Variants in PSD3 observed in about 807,000 individuals in gnomAD.
PSD3 encodes pleckstrin and Sec7 domain containing 3.
PSD3 carries 49 observed loss-of-function variants against 105.5 expected under a neutral mutation model. The observed-to-expected ratio is 0.46, with a 90% CI of 0.37 to 0.59. The LOEUF is 0.59. PSD3 is among the 20% of genes least tolerant of loss of function. PSD3 has a pLI of 0.00. For missense variants in PSD3, 1,561 were observed against 1,263.8 expected, an observed-to-expected ratio of 1.24 and a Z score of -3.57; for synonymous variants, 557 against 457.8, an observed-to-expected ratio of 1.22 and a Z score of -2.77.
chr8:19,079,278 G>A (rs536072113), intron 1 of PSD3, among the ~76,000 whole-genome samples: 37 of 152,250 alleles, frequency 2.4e-4, no homozygotes, highest in Admixed American at 8.5e-4. Flanking sequence ...CCAACGTAGC[G>A]TAAAATGAAC....
At chr8:18,823,299 C>T (rs1249926834) in intron 4 of PSD3, among the ~76,000 whole-genome samples, 8 of 152,084 alleles carry the variant, frequency 5.3e-5, no homozygotes, top group Admixed American at 1.3e-4. Context: ...TCTAGACAGT[C>T]TAAGTTTTAC....
chr8:18,763,360 G>T (rs575873442), intron 9 of PSD3, among the ~76,000 whole-genome samples: 1 of 152,246 alleles, frequency 6.6e-6, no homozygotes, highest in South Asian at 2.1e-4. Flanking sequence ...GATTGGAAAG[G>T]TGGCAAAGAA....
chr8:18,586,351 G>A (rs897640764), intron 12 of PSD3, among the ~76,000 whole-genome samples: 2 of 152,144 alleles, frequency 1.3e-5, no homozygotes, highest in Non-Finnish European at 2.9e-5. Context: ...TTGTTTTTCG[G>A]AGGGGGAAAG....
chr8:18,949,244 A>AAAAAAAAATATAT (rs1345423514), intron 1 of PSD3, among the ~76,000 whole-genome samples: 5 of 14,408 alleles, frequency 3.5e-4, no homozygotes, highest in South Asian at 4.7e-3. Context: ...AAAAAAAAAA[A>AAAAAAAAATATAT]ATATATATAT....
chr8:19,030,947 A>G (rs1827745134), intron 1 of PSD3, among the ~76,000 whole-genome samples: 1 of 152,224 alleles, frequency 6.6e-6, no homozygotes, highest in Non-Finnish European at 1.5e-5. Flanking sequence ...AGATCATAGC[A>G]GAAACAGTCC....
intron 9 of PSD3, among the ~76,000 whole-genome samples, chr8:18,720,744 C>G (rs1297310891): frequency 6.6e-6 from 1 of 152,036 alleles, no homozygotes; most frequent in Non-Finnish European, 1.5e-5. Flanking sequence ...ACAGGAGCGC[C>G]GATGCATTTG....
intron 1 of PSD3, among the ~76,000 whole-genome samples, chr8:19,050,513 A>T (rs1207816141): frequency 6.6e-6 from 1 of 152,248 alleles, no homozygotes; most frequent in Admixed American, 6.5e-5. Flanking sequence ...GCCATAAAAA[A>T]TGATGAGTTC....
chr8:18,626,232 T>G (rs771659483), intron 11 of PSD3, among the ~76,000 whole-genome samples: 56 of 151,666 alleles, frequency 3.7e-4, no homozygotes, highest in Non-Finnish European at 6.5e-4. Context: ...TCTGACAAAC[T>G]GAATGTTTAA....
intron 2 of PSD3, among the ~76,000 whole-genome samples, chr8:18,909,626 G>C (rs1281778039): frequency 6.6e-6 from 1 of 152,064 alleles, no homozygotes; most frequent in Non-Finnish European, 1.5e-5. Context: ...TCGGACTACA[G>C]GCTCACGTTA....
intron 1 of PSD3, among the ~76,000 whole-genome samples, chr8:19,060,510 T>C (rs1374650146): frequency 6.6e-6 from 1 of 152,140 alleles, no homozygotes; most frequent in East Asian, 1.9e-4. Context: ...GGCACACACC[T>C]GTAGTCCCAG....
intron 1 of PSD3, among the ~76,000 whole-genome samples, chr8:18,990,455 G>A (rs904407674): frequency 4.6e-5 from 7 of 152,126 alleles, no homozygotes; most frequent in East Asian, 1.9e-4. Flanking sequence ...TCCTCTGTAC[G>A]GCATATGCTT....
At position 18,611,495 on chromosome 8, in the gene PSD3, T is replaced by C. The variant is rs149355078; in HGVS notation, c.2411-11061A>G. On this transcript the variant is annotated intron_variant, in intron 11 of 15. Transcript: ENST00000327040. Reference sequence around the variant, plus strand: ...GATACTGGCTTCACCTGAGTGACCTTGGACAAGTCACTTAGCCAGTCCTAT... The same window carrying C: ...GATACTGGCTTCACCTGAGTGACCTCGGACAAGTCACTTAGCCAGTCCTAT... Among the ~76,000 whole-genome samples the C allele has an allele frequency of 2.8e-3, 431 of 152,306 alleles. 1 individual carries two copies. Among genetic ancestry groups the C allele is most frequent in the African/African-American group, 9.9e-3 (412 of 41,574 alleles).
At chr8:18,569,120 G>A (rs912439783) in intron 14 of PSD3, among the ~76,000 whole-genome samples, 2 of 129,044 alleles carry the variant, frequency 1.5e-5, no homozygotes, top group Non-Finnish European at 3.3e-5. Flanking sequence ...TGGACATTTG[G>A]GTTGGTTCCA....
chr8:18,720,870 A>C (rs1802923957), intron 9 of PSD3: 1 of 152,158 alleles, frequency 6.6e-6, no homozygotes, highest in South Asian at 2.1e-4. Context: ...TGATGCCTTA[A>C]AGGTTTTATT....
chr8:18,855,025 G>A (rs1343512815), intron 4 of PSD3, among the ~76,000 whole-genome samples: 2 of 152,186 alleles, frequency 1.3e-5, no homozygotes, highest in South Asian at 4.2e-4. Context: ...GGAAGCCGTG[G>A]CCGCCAGACC....
At chr8:18,784,531 C>T (rs1025871573) in intron 8 of PSD3, among the ~76,000 whole-genome samples, 5 of 152,114 alleles carry the variant, frequency 3.3e-5, no homozygotes, top group Non-Finnish European at 7.4e-5. Flanking sequence ...CCCCAAGTTT[C>T]GGGTGTCAAT....
At chr8:18,726,460 C>G (rs1803340622) in intron 9 of PSD3, among the ~76,000 whole-genome samples, 2 of 152,186 alleles carry the variant, frequency 1.3e-5, no homozygotes, top group South Asian at 4.1e-4. Context: ...TGCTGTATAG[C>G]TGATTATAAT....
intron 9 of PSD3, among the ~76,000 whole-genome samples, chr8:18,666,074 C>G (rs914443385): frequency 6.6e-6 from 1 of 151,662 alleles, no homozygotes; most frequent in African/African-American, 2.4e-5. Flanking sequence ...TTTTTTGAGA[C>G]AGTCTTGTGT....
At chr8:18,690,029 G>C (rs1436969817) in intron 9 of PSD3, among the ~76,000 whole-genome samples, 1 of 152,038 alleles carries the variant, frequency 6.6e-6, no homozygotes, top group African/African-American at 2.4e-5. Context: ...TTTGTTTCTT[G>C]AAAGCTAAAT....
Sources: allele counts gnomAD v4.1 joint callset (sites outside exome capture counted in the v4.1 genomes callset), GRCh38; gene constraint gnomAD v4.1.1; transcripts MANE v1.5; gene names NCBI Gene and HGNC (gene_info 2026-07-23, HGNC 2026-07-21).